Variants in ANXA10 observed in about 807,000 individuals in gnomAD.
ANXA10 encodes the protein annexin A10.
Under a neutral mutation model 53.5 loss-of-function variants are expected in ANXA10, and 49 were observed. That is an observed-to-expected ratio of 0.92 (90% CI 0.73 to 1.16). The LOEUF (loss-of-function observed/expected upper bound fraction) is 1.16, where lower values mean the gene tolerates loss of function less well. Among genes scored for constraint, ANXA10 ranks in the 50% most tolerant of loss-of-function variants. ANXA10 has a pLI of 0.00. For synonymous variants in ANXA10, 131 were observed against 128.9 expected, an observed-to-expected ratio of 1.02 and a Z score of -0.11; for missense variants, 393 against 394.4, an observed-to-expected ratio of 1.00 and a Z score of 0.03.
At chr4:168,164,964 T>C (rs895501122) in intron 5 of ANXA10, among the ~76,000 whole-genome samples, 3 of 152,158 alleles carry the variant, frequency 2.0e-5, no homozygotes, top group Non-Finnish European at 2.9e-5. Flanking sequence ...TCTGTGGAAA[T>C]AGAATGCATA....
chr4:168,128,549 A>C (rs1028786516), intron 2 of ANXA10, among the ~76,000 whole-genome samples: 2 of 151,978 alleles, frequency 1.3e-5, no homozygotes, highest in Non-Finnish European at 2.9e-5. Flanking sequence ...AGTCAATCAA[A>C]CTTTTTGCTA....
chr4:168,132,611 A>G (rs1218325862), intron 2 of ANXA10, among the ~76,000 whole-genome samples: 1 of 152,074 alleles, frequency 6.6e-6, no homozygotes, highest in Non-Finnish European at 1.5e-5. Context: ...GTATTTTAAA[A>G]TATCTAAAAC....
Position 168,164,247 on chromosome 4 carries a change from C to T in ANXA10, c.359C>T (p.Thr120Ile). ...NCLIEILASR[T>I]NGEIFQMREA... ...CTCATTGAAATACTAGCTTCAAGAACAAATGGAGAAATTTTCCAGATGCGA... is the reference window on the plus strand; with the variant it reads ...CTCATTGAAATACTAGCTTCAAGAATAAATGGAGAAATTTTCCAGATGCGA... Residue 120 changes from threonine (T) to isoleucine (I), a missense_variant, in exon 5 of 12, where the codon ACA becomes ATA. Physicochemically the swap from Thr to Ile is moderately conservative, Grantham distance 89 (BLOSUM62 -1). Transcript: ENST00000359299. The T allele has an allele frequency of 6.2e-7, 1 of 1,613,230 alleles. No homozygotes were observed.
chr4:168,161,141 A>G (rs1291559135), intron 3 of ANXA10, among the ~76,000 whole-genome samples: 1 of 152,154 alleles, frequency 6.6e-6, no homozygotes, highest in Non-Finnish European at 1.5e-5. Flanking sequence ...GCCTGTGCCT[A>G]TGTCCTCAAT....
intron 3 of ANXA10, among the ~76,000 whole-genome samples, chr4:168,158,725 T>G (rs1468667214): frequency 6.6e-6 from 1 of 152,214 alleles, no homozygotes; most frequent in Non-Finnish European, 1.5e-5. Context: ...AGATTCCTTC[T>G]TTCTTTGCTA....
At chr4:168,136,484 A>G (rs1455155096) in intron 2 of ANXA10, among the ~76,000 whole-genome samples, 1 of 152,212 alleles carries the variant, frequency 6.6e-6, no homozygotes, top group Non-Finnish European at 1.5e-5. Flanking sequence ...AAAATCAGCC[A>G]AAACAAAGGG....
intron 1 of ANXA10, among the ~76,000 whole-genome samples, chr4:168,099,453 A>T (rs1296273620): frequency 6.6e-6 from 1 of 152,124 alleles, no homozygotes; most frequent in Non-Finnish European, 1.5e-5. Context: ...ACATATAGAA[A>T]AGTAAATATT....
intron 3 of ANXA10, among the ~76,000 whole-genome samples, chr4:168,150,500 A>C: frequency 6.6e-6 from 1 of 152,166 alleles, no homozygotes; most frequent in East Asian, 1.9e-4. Context: ...GGCCATTCTG[A>C]CAGGCTGGGA....
At position 168,092,662 on chromosome 4, in the gene ANXA10, C is replaced by A. The variant is rs772944870; in HGVS notation, c.-39C>A. The A allele has an allele frequency of 1.3e-6, 2 of 1,574,836 alleles. No individual in the cohort carries two copies. The highest frequency in any genetic ancestry group is 2.3e-5 in the South Asian group (2 of 85,368). On this transcript the variant is annotated 5_prime_UTR_variant, in exon 1 of 12. Transcript: ENST00000359299. The stretch of plus-strand genomic sequence containing the variant: ...AGTGAAACAAGTTTATGCAATCGAT[C>A]AAATATTTTCATCCCTGAGGTTAAC...
At chr4:168,128,249 A>G in intron 2 of ANXA10, 84 bp downstream of exon 2, 1 of 938,788 alleles carries the variant, frequency 1.1e-6, no homozygotes, top group South Asian at 1.9e-5. Flanking sequence ...GGTATAAAAT[A>G]GTTGATGTCT....
At chr4:168,178,984 C>A (rs539557124) in intron 8 of ANXA10, among the ~76,000 whole-genome samples, 1 of 152,262 alleles carries the variant, frequency 6.6e-6, no homozygotes, top group South Asian at 2.1e-4. Flanking sequence ...CTGGAGGTGG[C>A]ATTTGTTCCC....
At chr4:168,123,820 C>A (rs1235481289) in intron 1 of ANXA10, among the ~76,000 whole-genome samples, 1 of 152,042 alleles carries the variant, frequency 6.6e-6, no homozygotes, top group Non-Finnish European at 1.5e-5. Flanking sequence ...TTATAACAAC[C>A]TTTTAACAAA....
intron 10 of ANXA10, among the ~76,000 whole-genome samples, chr4:168,181,990 GATT>G (rs1732257755): frequency 6.6e-6 from 1 of 152,166 alleles, no homozygotes. Context: ...GCACTTTAGA[GATT>G]ATTTAATATC....
chr4:168,158,809 T>C (rs1259094681), intron 3 of ANXA10, among the ~76,000 whole-genome samples: 1 of 152,178 alleles, frequency 6.6e-6, no homozygotes, highest in African/African-American at 2.4e-5. Flanking sequence ...TAGATATGTG[T>C]CCTCTCCAAA....
intron 3 of ANXA10, among the ~76,000 whole-genome samples, chr4:168,156,064 C>A (rs866006254): frequency 7.0e-4 from 32 of 45,778 alleles, no homozygotes; most frequent in East Asian, 3.5e-3. Flanking sequence ...TATTATATAT[C>A]ATATATTATA....
chr4:168,156,181 T>TATTATATATTATATATTATATATTATAC (rs1223068164), intron 3 of ANXA10, among the ~76,000 whole-genome samples: 3 of 19,848 alleles, frequency 1.5e-4, no homozygotes. Context: ...TTATATTATA[T>TATTATATATTATATATTATATATTATAC]ATTATATATT....
intron 2 of ANXA10, among the ~76,000 whole-genome samples, chr4:168,138,193 C>T (rs549112506): frequency 2.0e-5 from 3 of 152,026 alleles, no homozygotes; most frequent in Admixed American, 1.3e-4. Flanking sequence ...AACCTCCTGA[C>T]CTCATGATCC....
At chr4:168,095,702 T>G (rs1730530411) in intron 1 of ANXA10, among the ~76,000 whole-genome samples, 1 of 152,122 alleles carries the variant, frequency 6.6e-6, no homozygotes, top group African/African-American at 2.4e-5. Flanking sequence ...AGGACAGTAT[T>G]ATCATCCCCT....
intron 1 of ANXA10, among the ~76,000 whole-genome samples, chr4:168,125,021 A>G (rs7662687): frequency 0.67 from 101,775 of 152,066 alleles, 35,263 homozygotes; most frequent in African/African-American, 0.84. Context: ...GGGCTCGTTA[A>G]CTGCGGAAGG....
Sources: allele counts gnomAD v4.1 joint callset (sites outside exome capture counted in the v4.1 genomes callset), GRCh38; gene constraint gnomAD v4.1.1; transcripts MANE v1.5; gene names NCBI Gene and HGNC (gene_info 2026-07-23, HGNC 2026-07-21).